The following FBXL17 variants were observed in gnomAD, a reference collection of about 807,000 sequenced individuals.
FBXL17 encodes the protein F-box and leucine rich repeat protein 17.
Under a neutral mutation model 66.2 loss-of-function variants are expected in FBXL17, and 22 were observed. That is an observed-to-expected ratio of 0.33 (90% CI 0.24 to 0.47). The LOEUF is 0.47. Among genes scored for constraint, FBXL17 ranks in the 20% least tolerant of loss-of-function variants. The pLI, the probability that FBXL17 is intolerant of heterozygous loss-of-function variation, is 1.00. For missense variants in FBXL17, 878 were observed against 948.2 expected (o/e 0.93, Z 0.97); for synonymous variants, 474 against 400.5 (o/e 1.18, Z -2.19).
chr5:107,999,886 T>C (rs562760550), intron 7 of FBXL17, among the ~76,000 whole-genome samples: 2 of 152,274 alleles, frequency 1.3e-5, no homozygotes, highest in Admixed American at 6.5e-5. Flanking sequence ...ATATACCACA[T>C]TCAAGGCAAA....
chr5:108,067,659 G>A (rs536052409), intron 6 of FBXL17, among the ~76,000 whole-genome samples: 154 of 152,044 alleles, frequency 1.0e-3, no homozygotes, highest in Non-Finnish European at 1.7e-3. Flanking sequence ...ACCCAACTTT[G>A]TATTTGTAGT....
At chr5:108,175,911 C>A (rs555586209) in intron 6 of FBXL17, among the ~76,000 whole-genome samples, 1 of 152,252 alleles carries the variant, frequency 6.6e-6, no homozygotes, top group South Asian at 2.1e-4. Context: ...AAGTCTTTTA[C>A]AAGAAAATTG....
At chr5:108,330,668 T>A (rs1760078428) in intron 4 of FBXL17, among the ~76,000 whole-genome samples, 1 of 152,082 alleles carries the variant, frequency 6.6e-6, no homozygotes, top group East Asian at 1.9e-4. Context: ...ACTCACACTA[T>A]CACCTTATAT....
intron 4 of FBXL17, among the ~76,000 whole-genome samples, chr5:108,345,059 G>T (rs1394585755): frequency 6.6e-6 from 1 of 152,116 alleles, no homozygotes; most frequent in Non-Finnish European, 1.5e-5. Flanking sequence ...CTAAGGCCGG[G>T]CACGGTGGCT....
chr5:108,158,956 G>A (rs972053592), intron 6 of FBXL17, among the ~76,000 whole-genome samples: 4 of 152,024 alleles, frequency 2.6e-5, no homozygotes, highest in East Asian at 1.9e-4. Flanking sequence ...ATATAGCTAT[G>A]GAGAGCTTCA....
chr5:108,042,910 A>G (rs1747107116), intron 6 of FBXL17, among the ~76,000 whole-genome samples: 2 of 152,162 alleles, frequency 1.3e-5, no homozygotes, highest in Admixed American at 6.5e-5. Flanking sequence ...TTTTGTGACA[A>G]TCTTTTTTTA....
chr5:108,116,598 A>G (rs1750264920), intron 6 of FBXL17, among the ~76,000 whole-genome samples: 1 of 152,060 alleles, frequency 6.6e-6, no homozygotes, highest in Non-Finnish European at 1.5e-5. Context: ...CAGTGAGCCA[A>G]GATCACACCA....
chr5:108,037,438 T>C (rs1481886894), intron 6 of FBXL17, among the ~76,000 whole-genome samples: 2 of 152,140 alleles, frequency 1.3e-5, no homozygotes, highest in Admixed American at 1.3e-4. Context: ...TCAAAGAAGG[T>C]AGATGAGGTA....
At chr5:107,889,072 C>T (rs1749104566) in intron 7 of FBXL17, among the ~76,000 whole-genome samples, 1 of 152,008 alleles carries the variant, frequency 6.6e-6, no homozygotes, top group African/African-American at 2.4e-5. Context: ...GTTTTAATTT[C>T]CATTTCCCTA....
chr5:108,233,189 T>G (rs1367444550), intron 4 of FBXL17, among the ~76,000 whole-genome samples: 4 of 152,122 alleles, frequency 2.6e-5, no homozygotes, highest in African/African-American at 9.7e-5. Context: ...TTGTTTTTTT[T>G]GCACTCTGTG....
chr5:108,292,481 C>T (rs1164486057), intron 4 of FBXL17, among the ~76,000 whole-genome samples: 1 of 152,064 alleles, frequency 6.6e-6, no homozygotes, highest in Non-Finnish European at 1.5e-5. Context: ...TCCGTTCTTC[C>T]TGATCTTTCT....
intron 6 of FBXL17, among the ~76,000 whole-genome samples, chr5:108,062,421 T>C (rs1747958890): frequency 6.6e-6 from 1 of 152,116 alleles, no homozygotes; most frequent in Admixed American, 6.5e-5. Context: ...TTTAATAGTA[T>C]AGATATCAAT....
chr5:108,186,111 G>A lies in FBXL17; in HGVS notation c.1745+6C>T. 1.2e-6 allele frequency: 2 copies of A among 1,604,696 alleles called. No homozygotes were observed. The highest frequency in any genetic ancestry group is 1.7e-5 in the Admixed American group (1 of 59,508). The stretch of plus-strand genomic sequence containing the variant: ...AAAAGTATTTTTAACATGTTACAAT[G>A]GTTACCTGTCATTTATGATCCAGTT... On this transcript the variant is annotated splice_donor_region_variant and intron_variant, in intron 6 of 8. Coordinates refer to ENST00000542267, the MANE Select transcript of FBXL17 (RefSeq NM_001163315.3).
intron 4 of FBXL17, among the ~76,000 whole-genome samples, chr5:108,264,702 T>G (rs183048194): frequency 2.3e-4 from 35 of 152,206 alleles, no homozygotes; most frequent in Admixed American, 2.1e-3. Context: ...AAGATCAGAG[T>G]GCAAAGATGA....
chr5:107,960,126 G>C (rs1751834122), intron 7 of FBXL17, among the ~76,000 whole-genome samples: 2 of 152,188 alleles, frequency 1.3e-5, no homozygotes, highest in African/African-American at 4.8e-5. Context: ...TGCTCCTTTA[G>C]TTACCTTGCT....
intron 7 of FBXL17, among the ~76,000 whole-genome samples, chr5:107,946,260 TATATATATATATATATATATATA>T (rs1751279576): frequency 4.8e-5 from 1 of 20,980 alleles, no homozygotes; most frequent in African/African-American, 2.4e-4. Context: ...TCATTTTATA[TATATATATATATATATATATATA>T]TATATATATA....
chr5:107,907,779 A>G (rs1247446506), intron 7 of FBXL17, among the ~76,000 whole-genome samples: 5 of 152,198 alleles, frequency 3.3e-5, no homozygotes, highest in African/African-American at 9.7e-5. Flanking sequence ...GGCAATCATT[A>G]AAAAGTCAGG....
chr5:108,082,499 A>T (rs970335578), intron 6 of FBXL17, among the ~76,000 whole-genome samples: 1 of 152,246 alleles, frequency 6.6e-6, no homozygotes, highest in Non-Finnish European at 1.5e-5. Flanking sequence ...TTCCAGTGAC[A>T]TACAGGTGTA....
At chr5:108,040,061 T>C (rs2112801198) in intron 6 of FBXL17, among the ~76,000 whole-genome samples, 1 of 152,238 alleles carries the variant, frequency 6.6e-6, no homozygotes, top group East Asian at 1.9e-4. Context: ...AACTAAATAT[T>C]TGGGTATAAT....
Sources: allele counts gnomAD v4.1 joint callset (sites outside exome capture counted in the v4.1 genomes callset), GRCh38; gene constraint gnomAD v4.1.1; transcripts MANE v1.5; gene names NCBI Gene and HGNC (gene_info 2026-07-23, HGNC 2026-07-21).